Variants in KPNA5 observed in about 807,000 individuals in gnomAD.
The protein encoded by KPNA5 is karyopherin subunit alpha 5, also known as importin subunit alpha-6.
Under a neutral mutation model 71.3 loss-of-function variants are expected in KPNA5, and 46 were observed. The ratio of observed to expected loss-of-function variants is 0.65; its 90% confidence interval spans 0.51 to 0.83. The LOEUF is 0.83. KPNA5 is among the 40% of genes least tolerant of loss of function. The pLI, the probability that KPNA5 is intolerant of heterozygous loss-of-function variation, is 0.00. For missense variants in KPNA5, 547 were observed against 628.3 expected (o/e 0.87, Z 1.38); for synonymous variants, 207 against 201.4 (o/e 1.03, Z -0.24).
chr6:116,705,270 C>A, intron 7 of KPNA5, 110 bp downstream of exon 7: 1 of 787,620 alleles, frequency 1.3e-6, no homozygotes, highest in Non-Finnish European at 1.9e-6. Context: ...TTATGGTTAT[C>A]AAGCCTGCAG....
rs1315934244 is a variant in KPNA5, at chr6:116,689,436, CA to C, written c.127del (p.Arg43GlufsTer49). The C allele has an allele frequency of 6.3e-7, 1 of 1,575,792 alleles. No homozygotes were observed. The highest frequency in any genetic ancestry group is 2.0e-5 in the Admixed American group (1 of 50,430). ...AGAAGAAGGAATACAGCTTAGAAAACAAAAAAGAGAAGAACAGGTAGGTGTT... is the reference window on the plus strand; with the variant it reads ...AGAAGAAGGAATACAGCTTAGAAAACAAAAAGAGAAGAACAGGTAGGTGTT... ...REEEGIQLRK[Q>X]KREEQLFKRR... On this transcript the variant is annotated frameshift_variant, in exon 2 of 14. Coordinates refer to ENST00000368564, the MANE Select transcript of KPNA5 (RefSeq NM_001366306.2). LOFTEE classifies it high-confidence loss of function.
chr6:116,710,404 T>G (rs1305677683), intron 7 of KPNA5, among the ~76,000 whole-genome samples: 1 of 152,112 alleles, frequency 6.6e-6, no homozygotes, highest in African/African-American at 2.4e-5. Flanking sequence ...AAAAAAAAAT[T>G]TTGCGGCTAC....
At chr6:116,709,981 C>T (rs1778592086) in intron 7 of KPNA5, among the ~76,000 whole-genome samples, 1 of 151,888 alleles carries the variant, frequency 6.6e-6, no homozygotes, top group African/African-American at 2.4e-5. Context: ...GGATGGTCTC[C>T]ATCTCCTAAC....
At chr6:116,693,046 C>T (rs1293921717) in intron 4 of KPNA5, among the ~76,000 whole-genome samples, 3 of 152,166 alleles carry the variant, frequency 2.0e-5, no homozygotes, top group South Asian at 2.1e-4. Context: ...TCATCCATGT[C>T]CCTACAAAGG....
chr6:116,717,691 G>A (rs1230163649), intron 8 of KPNA5, among the ~76,000 whole-genome samples: 2 of 152,176 alleles, frequency 1.3e-5, no homozygotes, highest in Non-Finnish European at 2.9e-5. Context: ...CAGGCACTGA[G>A]GTGAAGTGCC....
chr6:116,706,522 T>C (rs892874767), intron 7 of KPNA5, among the ~76,000 whole-genome samples: 2 of 152,092 alleles, frequency 1.3e-5, no homozygotes, highest in African/African-American at 4.8e-5. Context: ...AAACCCCGTC[T>C]CTACTGAAAA....
intron 4 of KPNA5, among the ~76,000 whole-genome samples, chr6:116,697,242 C>A (rs1353940455): frequency 6.6e-6 from 1 of 151,862 alleles, no homozygotes; most frequent in Non-Finnish European, 1.5e-5. Context: ...AGAATACTTA[C>A]TGTTTTATCC....
At chr6:116,707,156 A>G (rs1778473657) in intron 7 of KPNA5, among the ~76,000 whole-genome samples, 1 of 151,700 alleles carries the variant, frequency 6.6e-6, no homozygotes, top group African/African-American at 2.4e-5. Context: ...AGAGCGAGAG[A>G]CTGTCTCAAA....
At chr6:116,691,102 G>A (rs557689302) in intron 2 of KPNA5, among the ~76,000 whole-genome samples, 79 of 152,256 alleles carry the variant, frequency 5.2e-4, no homozygotes, top group African/African-American at 1.8e-3. Flanking sequence ...GGTGGCGCAC[G>A]CCTATAATCC....
chr6:116,684,100 A>G (rs1777476002), intron 1 of KPNA5, among the ~76,000 whole-genome samples: 4 of 151,182 alleles, frequency 2.6e-5, no homozygotes, highest in Admixed American at 2.6e-4. Flanking sequence ...TTCAGTAGAG[A>G]CAGGGTTTCA....
At chr6:116,685,909 T>A (rs1223900232) in intron 1 of KPNA5, among the ~76,000 whole-genome samples, 1 of 152,094 alleles carries the variant, frequency 6.6e-6, no homozygotes, top group African/African-American at 2.4e-5. Flanking sequence ...TTTTTTGACT[T>A]TTTTTCTTTT....
At chr6:116,712,555 TTTTAA>T (rs1262171979) in intron 7 of KPNA5, among the ~76,000 whole-genome samples, 4 of 152,364 alleles carry the variant, frequency 2.6e-5, no homozygotes, top group South Asian at 2.1e-4. Flanking sequence ...CAGTTACTAC[TTTTAA>T]TTTGAGAGTT....
chr6:116,681,331 A>T lies in KPNA5; in HGVS notation c.-4A>T, dbSNP rs200944019. 2.7e-4 allele frequency: 436 copies of T among 1,605,180 alleles called. No homozygotes were observed. The highest frequency in any genetic ancestry group is 3.5e-4 in the Non-Finnish European group (409 of 1,175,196). ...AAATCAGGGCATCGGAGAGTGCCAC[A>T]TTAATGGGTAAGTTGGAGTGAACAC... On this transcript the variant is annotated 5_prime_UTR_variant, in exon 1 of 14. Transcript: ENST00000368564.
chr6:116,711,390 A>G (rs1315821549), intron 7 of KPNA5, among the ~76,000 whole-genome samples: 2 of 150,860 alleles, frequency 1.3e-5, no homozygotes, highest in African/African-American at 4.9e-5. Flanking sequence ...TGTTTACTCT[A>G]ATTTTTGTAA....
At chr6:116,716,344 A>T in intron 8 of KPNA5, 26 bp downstream of exon 8, 1 of 1,459,914 alleles carries the variant, frequency 6.8e-7, no homozygotes, top group Non-Finnish European at 9.5e-7. Flanking sequence ...ACAAATTAAA[A>T]TATTTGTTTC....
intron 1 of KPNA5, chr6:116,681,597 C>T: frequency 1.7e-6 from 2 of 1,144,708 alleles, no homozygotes; most frequent in Non-Finnish European, 2.2e-6. Context: ...TGATGGGCAG[C>T]TGGTCTCATC....
rs140751697 is a variant in KPNA5, at chr6:116,705,129, T to A, written c.625T>A (p.Leu209Met). ...CAATGCAGAATGCAGAGATTTTGTT[T>A]TGAATTGTGAAATACTTCCACCTCT... ...GDNAECRDFVLNCEILPPLLE... is the reference protein window; with the variant it reads ...GDNAECRDFVMNCEILPPLLE... The change falls in exon 7 of 14, where the codon TTG (leucine) becomes ATG (methionine). Residue 209 changes from leucine to methionine, a missense_variant. Leu to Met is a conservative substitution (Grantham distance 15, BLOSUM62 2). Coordinates refer to ENST00000368564, the MANE Select transcript of KPNA5 (RefSeq NM_001366306.2). 597 of 1,612,710 alleles carry A rather than the reference T, an allele frequency of 3.7e-4. 3 individuals are homozygous for A. The highest frequency in any genetic ancestry group is 6.7e-5 in the East Asian group (3 of 44,792).
rs757586156 is a variant in KPNA5, at chr6:116,716,307, A to G, written c.745A>G (p.Asn249Asp). The G allele has an allele frequency of 1.9e-6, 3 of 1,604,908 alleles. No individual in the cohort carries two copies. Among genetic ancestry groups the G allele is most frequent in the Non-Finnish European group, 2.6e-6 (3 of 1,172,286 alleles). ...NLCRGKNPPP[N>D]FSKVSPCLNV... ...ATGTAGAGGCAAAAACCCTCCTCCAAACTTTAGTAAGGTATGAGTAAAATA... is the reference window on the plus strand; with the variant it reads ...ATGTAGAGGCAAAAACCCTCCTCCAGACTTTAGTAAGGTATGAGTAAAATA... The change falls in exon 8 of 14, where the codon AAC becomes GAC. Residue 249 changes from asparagine (N) to aspartate (D), a missense_variant. Physicochemically the swap from Asn to Asp is conservative, Grantham distance 23. Transcript: ENST00000368564.
At chr6:116,709,137 A>C (rs905671782) in intron 7 of KPNA5, among the ~76,000 whole-genome samples, 4 of 152,146 alleles carry the variant, frequency 2.6e-5, no homozygotes, top group African/African-American at 9.7e-5. Flanking sequence ...TAACACTAAT[A>C]GTTTTTTTGT....
Sources: gnomAD v4.1 joint callset for allele counts (sites outside exome capture counted in the v4.1 genomes callset) on GRCh38, gnomAD v4.1.1 for gene constraint, MANE v1.5 for transcripts, NCBI Gene and HGNC (gene_info 2026-07-23, HGNC 2026-07-21) for gene names.